Variants in MGAT4C observed in about 807,000 individuals in gnomAD.
MGAT4C encodes alpha-1,3-mannosyl-glycoprotein 4-beta-N-acetylglucosaminyltransferase C.
In MGAT4C, 19 loss-of-function variants were observed where a neutral mutation model predicts 40.1. The observed-to-expected ratio is 0.47, with a 90% CI of 0.33 to 0.70. The LOEUF is 0.70. MGAT4C is among the 30% of genes least tolerant of loss of function. MGAT4C has a pLI of 0.02. For synonymous variants in MGAT4C, 181 were observed against 187.1 expected (o/e 0.97, Z 0.27); for missense variants, 491 against 563.2 (o/e 0.87, Z 1.30).
chr12:85,957,061 T>C lies in MGAT4C; in HGVS notation c.*22228A>G, dbSNP rs747890883. 2.6e-5 allele frequency: 4 copies of C among 152,202 alleles called. No individual in the cohort carries two copies. The highest frequency in any genetic ancestry group is 2.1e-4 in the South Asian group (1 of 4,832). The allele number at this position is 152,202 out of a possible 1,614,324, so 9.4% of individuals were successfully genotyped here. A position where few individuals can be genotyped will look rare whatever the true frequency, so the allele number is the denominator to read the frequency against. On this transcript the variant is annotated 3_prime_UTR_variant, in exon 5 of 5. Coordinates refer to ENST00000611864, the MANE Select transcript of MGAT4C (RefSeq NM_001351288.2). Reference sequence around the variant, plus strand: ...GAGTATGTAGATGCGAGCCCTTTGCTGCTGGCAAAGCTTTAAAAATATGTT... The same window carrying C: ...GAGTATGTAGATGCGAGCCCTTTGCCGCTGGCAAAGCTTTAAAAATATGTT...
At chr12:86,578,946 T>C (rs1252168162) in intron 2 of MGAT4C, among the ~76,000 whole-genome samples, 1 of 151,644 alleles carries the variant, frequency 6.6e-6, no homozygotes, top group African/African-American at 2.4e-5. Flanking sequence ...ATAGTTTTTG[T>C]TTTGAAATCT....
chr12:86,532,710 CA>C (rs1959005377), intron 2 of MGAT4C, among the ~76,000 whole-genome samples: 1 of 151,982 alleles, frequency 6.6e-6, no homozygotes, highest in South Asian at 2.1e-4. Context: ...TAAAGGCTGG[CA>C]ATCTGGGGAC....
chr12:86,447,083 G>A (rs1324660784), intron 2 of MGAT4C, among the ~76,000 whole-genome samples: 1 of 152,012 alleles, frequency 6.6e-6, no homozygotes, highest in South Asian at 2.1e-4. Flanking sequence ...TGTCCTAAAT[G>A]AGTGTCCTTT....
intron 2 of MGAT4C, among the ~76,000 whole-genome samples, chr12:86,555,022 T>G (rs1368150334): frequency 1.3e-5 from 2 of 152,016 alleles, no homozygotes; most frequent in Non-Finnish European, 2.9e-5. Context: ...TTTATTTTCT[T>G]TCTCTCTCTG....
At chr12:86,709,336 G>T (rs1398374767) in intron 2 of MGAT4C, among the ~76,000 whole-genome samples, 1 of 152,076 alleles carries the variant, frequency 6.6e-6, no homozygotes, top group Admixed American at 6.6e-5. Flanking sequence ...TCTTTCTTTT[G>T]TAAATTGCCC....
chr12:86,827,618 A>G (rs78650852), intron 1 of MGAT4C, among the ~76,000 whole-genome samples: 16,007 of 151,478 alleles, frequency 0.11, 1,152 homozygotes, highest in Non-Finnish European at 0.15. Flanking sequence ...TAAGAGTTCA[A>G]CGAAAGAAAA....
chr12:86,224,878 A>G lies in MGAT4C; in HGVS notation c.-57+31361T>C, dbSNP rs1951018230. ...ACAATCTAACTTTGTACATTAAGGA[A>G]CTCACAAAGCAGGAACAAAGTAAGC... On this transcript the variant is annotated intron_variant, in intron 1 of 4. Transcript: ENST00000611864. Among the ~76,000 whole-genome samples, 5 of 152,190 alleles carry G rather than the reference A, an allele frequency of 3.3e-5. 1 individual carries two copies. Among genetic ancestry groups the G allele is most frequent in the Admixed American group, 3.3e-4 (5 of 15,276 alleles).
At chr12:86,420,562 A>G (rs1020036569) in intron 3 of MGAT4C, among the ~76,000 whole-genome samples, 3 of 152,114 alleles carry the variant, frequency 2.0e-5, no homozygotes, top group African/African-American at 7.2e-5. Flanking sequence ...ATGAATTGCA[A>G]ATACTACCAG....
intron 1 of MGAT4C, among the ~76,000 whole-genome samples, chr12:86,106,280 T>C (rs952693294): frequency 1.3e-5 from 2 of 151,992 alleles, no homozygotes; most frequent in Non-Finnish European, 2.9e-5. Flanking sequence ...TTTAGTTTAG[T>C]TTAGTTTAGT....
At position 86,338,043 on chromosome 12, in the gene MGAT4C, GAGC is replaced by G. The variant is rs539821462; in HGVS notation, c.-119-3919_-119-3917del. 1.8e-4 allele frequency among the ~76,000 whole-genome samples: 28 copies of G among 152,276 alleles called. No individual in the cohort carries two copies. In the South Asian group the frequency reaches 5.8e-3, roughly 32 times the overall value. On this transcript the variant is annotated intron_variant, in intron 3 of 7. Transcript: ENST00000548651. ...GTTCACCTTGCCTGCAGCCTAGACA[GAGC>G]TGATTTACCAAGACAGGGGAATTGC...
chr12:86,812,750 C>G (rs1249408871), intron 1 of MGAT4C, among the ~76,000 whole-genome samples: 1 of 152,014 alleles, frequency 6.6e-6, no homozygotes. Context: ...AGTCTCAGGT[C>G]TACTAAGAAC....
At chr12:86,246,511 T>C (rs1217811571) in intron 1 of MGAT4C, among the ~76,000 whole-genome samples, 1 of 152,206 alleles carries the variant, frequency 6.6e-6, no homozygotes, top group Admixed American at 6.5e-5. Flanking sequence ...GCTGAGTAAA[T>C]GACTCCCACA....
intron 1 of MGAT4C, among the ~76,000 whole-genome samples, chr12:86,757,748 A>G (rs918649654): frequency 6.6e-6 from 1 of 152,206 alleles, no homozygotes; most frequent in African/African-American, 2.4e-5. Flanking sequence ...ACAATACAGT[A>G]GAAACCCTAG....
At chr12:86,754,277 C>T (rs1428418433) in intron 1 of MGAT4C, among the ~76,000 whole-genome samples, 1 of 151,964 alleles carries the variant, frequency 6.6e-6, no homozygotes, top group African/African-American at 2.4e-5. Flanking sequence ...AAAAATTCTA[C>T]AAAAGGCAAA....
intron 2 of MGAT4C, among the ~76,000 whole-genome samples, chr12:86,604,862 T>G (rs1961989978): frequency 1.3e-5 from 2 of 152,186 alleles, no homozygotes; most frequent in African/African-American, 4.8e-5. Context: ...TTCTCATCTT[T>G]GAAGGTCATA....
At chr12:86,038,575 T>C (rs1891478723) in intron 2 of MGAT4C, among the ~76,000 whole-genome samples, 2 of 149,758 alleles carry the variant, frequency 1.3e-5, no homozygotes, top group South Asian at 4.2e-4. Flanking sequence ...TTTTTTTGCT[T>C]TCCATTTGCT....
intron 2 of MGAT4C, among the ~76,000 whole-genome samples, chr12:86,659,177 T>C (rs1432212500): frequency 1.3e-5 from 2 of 152,102 alleles, no homozygotes. Flanking sequence ...CACTTTTTTT[T>C]CACTTAACAT....
intron 4 of MGAT4C, among the ~76,000 whole-genome samples, chr12:86,286,678 T>C (rs559884071): frequency 6.6e-6 from 1 of 152,206 alleles, no homozygotes; most frequent in South Asian, 2.1e-4. Flanking sequence ...ACAGATTCTT[T>C]TGTCATCCAG....
chr12:86,678,459 A>G (rs1057128288), intron 2 of MGAT4C, among the ~76,000 whole-genome samples: 7 of 151,546 alleles, frequency 4.6e-5, no homozygotes, highest in Non-Finnish European at 7.4e-5. Context: ...TTTAAGTTTT[A>G]GGGTACATGT....
Sources: allele counts gnomAD v4.1 joint callset (sites outside exome capture counted in the v4.1 genomes callset), GRCh38; gene constraint gnomAD v4.1.1; transcripts MANE v1.5; gene names NCBI Gene and HGNC (gene_info 2026-07-23, HGNC 2026-07-21).